The following POLR3A variants were observed in gnomAD, a reference collection of about 807,000 sequenced individuals.
POLR3A encodes DNA-directed RNA polymerase III subunit RPC1.
Under a neutral mutation model 152.8 loss-of-function variants are expected in POLR3A, and 112 were observed. That is an observed-to-expected ratio of 0.73 (90% confidence interval 0.63 to 0.86). The LOEUF (loss-of-function observed/expected upper bound fraction) is 0.86. Among genes scored for constraint, POLR3A ranks in the 40% least tolerant of loss-of-function variants. POLR3A has a pLI of 0.00. For synonymous variants in POLR3A, 615 were observed against 652.1 expected, an observed-to-expected ratio of 0.94 and a Z score of 0.87; for missense variants, 1,385 against 1,743.1, an observed-to-expected ratio of 0.79 and a Z score of 3.66.
intron 30 of POLR3A, 64 bp downstream of exon 30, chr10:77,980,077 T>C (rs1262885436): frequency 2.0e-6 from 3 of 1,486,784 alleles, no homozygotes; most frequent in Non-Finnish European, 2.8e-6. Context: ...CTTGGAAGCC[T>C]AGCCATGGTC....
intron 29 of POLR3A, among the ~76,000 whole-genome samples, chr10:77,980,587 A>G (rs1373409701): frequency 1.3e-5 from 2 of 152,224 alleles, no homozygotes; most frequent in Non-Finnish European, 2.9e-5. Flanking sequence ...ACTAAAAATA[A>G]AAGAATGTAA....
chr10:77,993,346 C>A lies in POLR3A; in HGVS notation c.2638G>T (p.Glu880Ter), dbSNP rs1176075755. 6.2e-7 allele frequency: 1 copy of A among 1,613,788 alleles called. No individual in the cohort carries two copies. The highest frequency in any genetic ancestry group is 8.5e-7 in the Non-Finnish European group (1 of 1,179,766). The change falls in exon 20 of 31, where the codon GAA (glutamate) becomes TAA (stop). Residue 880 changes from glutamate (E) to a stop codon, truncating the protein, a stop_gained. Coordinates refer to ENST00000372371, the MANE Select transcript of POLR3A (RefSeq NM_007055.4). LOFTEE classifies it high-confidence loss of function. Reference protein sequence around the residue: ...YMQRRLVKSLEDLCSQYDLTV... With the variant: ...YMQRRLVKSL ...AGATCATACTGGGAGCAAAGATCTTCAAGAGATTTGACAAGCCTTCGCTAA... is the reference window on the plus strand; with the variant it reads ...AGATCATACTGGGAGCAAAGATCTTAAAGAGATTTGACAAGCCTTCGCTAA...
Position 77,980,228 on chromosome 10 carries a change from CCTT to C in POLR3A, c.3934_3936del (p.Lys1312del). On this transcript the variant is annotated inframe_deletion, in exon 30 of 31. Coordinates refer to ENST00000372371, the MANE Select transcript of POLR3A (RefSeq NM_007055.4). ...AAGGAGGCCAGCATCAGCACACTCTCCTTCATCTTGGCCAGGCCAAACCTAGTG... is the reference window on the plus strand; with the variant it reads ...AAGGAGGCCAGCATCAGCACACTCTCCATCTTGGCCAGGCCAAACCTAGTG... 6.2e-7 allele frequency: 1 copy of C among 1,614,014 alleles called. No homozygotes were observed. The highest frequency in any genetic ancestry group is 8.5e-7 in the Non-Finnish European group (1 of 1,179,876).
At position 77,976,032 on chromosome 10, in the gene POLR3A, C is replaced by A. The variant is rs550447264; in HGVS notation, c.*1446G>T. 1 of 151,988 alleles carries A rather than the reference C, an allele frequency of 6.6e-6. No individual in the cohort carries two copies. Among genetic ancestry groups the A allele is most frequent in the African/African-American group, 2.4e-5 (1 of 41,364 alleles). The allele number at this position is 151,988 out of a possible 1,614,324, so 9.4% of individuals were successfully genotyped here. A position where few individuals can be genotyped will look rare whatever the true frequency, so the allele number is the denominator to read the frequency against. On this transcript the variant is annotated 3_prime_UTR_variant, in exon 31 of 31. Coordinates refer to ENST00000372371, the MANE Select transcript of POLR3A (RefSeq NM_007055.4). ...GCATTTTTTTTCCACATCACTGATA[C>A]CCCAAGAGAAGTTAATAGGTCTACC...
chr10:77,993,731 A>G (rs1246211833), intron 19 of POLR3A, among the ~76,000 whole-genome samples: 1 of 152,178 alleles, frequency 6.6e-6, no homozygotes, highest in Non-Finnish European at 1.5e-5. Flanking sequence ...GCATTTCTAA[A>G]CAGAACTTAA....
Position 77,992,262 on chromosome 10 carries a change from C to CT in POLR3A, c.2787+934dup, listed in dbSNP as rs67659884. On this transcript the variant is annotated intron_variant, in intron 20 of 30. Transcript: ENST00000372371. The stretch of plus-strand genomic sequence containing the variant: ...ACACTAGACTTTCAACTGAAAACAA[C>CT]TTTTTTTTTCATCTTTTTTTTTTTT... Among the ~76,000 whole-genome samples, 542 of 150,014 alleles carry CT rather than the reference C, an allele frequency of 3.6e-3. 4 individuals are homozygous for CT. Among genetic ancestry groups the CT allele is most frequent in the African/African-American group, 0.013 (526 of 40,816 alleles).
At chr10:77,981,895 C>T (rs1425052078) in intron 28 of POLR3A, among the ~76,000 whole-genome samples, 38 of 142,140 alleles carry the variant, frequency 2.7e-4, no homozygotes, top group Non-Finnish European at 5.1e-4. Flanking sequence ...AAAAATTAGC[C>T]GGGCGTGGTG....
intron 28 of POLR3A, among the ~76,000 whole-genome samples, 187 bp from the exon 29 acceptor site, chr10:77,981,746 C>T (rs185674426): frequency 1.3e-4 from 20 of 151,800 alleles, no homozygotes; most frequent in East Asian, 5.8e-4. Context: ...GCTGGGAGGC[C>T]GGGCACAGTG....
At chr10:78,000,942 T>A (rs776273096) in intron 18 of POLR3A, 34 bp downstream of exon 18, 1 of 1,061,390 alleles carries the variant, frequency 9.4e-7, no homozygotes, top group East Asian at 2.4e-5. Context: ...GATTAAGAGA[T>A]CTTCACAGTT....
intron 10 of POLR3A, among the ~76,000 whole-genome samples, chr10:78,014,127 A>C (rs1228230892): frequency 2.0e-5 from 3 of 151,642 alleles, no homozygotes; most frequent in Non-Finnish European, 2.9e-5. Flanking sequence ...ATTGCACCCC[A>C]GCCTGGGTGA....
chr10:78,019,795 GCTAA>G (rs200242373), intron 8 of POLR3A: 1,772 of 163,036 alleles, frequency 0.011, 30 homozygotes, highest in African/African-American at 0.04. Flanking sequence ...TATGATCTGG[GCTAA>G]CTGTGAGTCT....
At chr10:77,984,342 G>A (rs776004125) in intron 24 of POLR3A, 44 bp from the exon 25 acceptor site, 33 of 1,097,622 alleles carry the variant, frequency 3.0e-5, no homozygotes, top group African/African-American at 9.2e-5. Context: ...CAAGGGAGGA[G>A]GCTGTTTGAG....
chr10:78,024,842 T>C (rs1214466573), intron 4 of POLR3A, 129 bp downstream of exon 4: 1 of 1,346,810 alleles, frequency 7.4e-7, no homozygotes, highest in Non-Finnish European at 1.1e-6. Context: ...AGGACATCAG[T>C]TGTTGGGCTC....
intron 11 of POLR3A, among the ~76,000 whole-genome samples, chr10:78,012,172 C>G (rs572751813): frequency 6.6e-6 from 1 of 152,220 alleles, no homozygotes; most frequent in African/African-American, 2.4e-5. Flanking sequence ...CAAGACCAGC[C>G]TGACGAATGT....
At chr10:78,021,502 A>C in intron 8 of POLR3A, 44 bp downstream of exon 8, 2 of 1,607,414 alleles carry the variant, frequency 1.2e-6, no homozygotes, top group Non-Finnish European at 1.7e-6. Flanking sequence ...AACGTAAAAG[A>C]CTGAATTTAA....
Position 77,982,663 on chromosome 10 carries a change from T to C in POLR3A, c.3584A>G (p.Asp1195Gly), listed in dbSNP as rs1564613372. The change falls in exon 27 of 31, where the codon GAT becomes GGT. Residue 1195 changes from aspartate to glycine, a missense_variant. Around this residue, in one of 7 missense-constraint regions of POLR3A, gnomAD observed 332 missense variants for 400.1 expected, o/e 0.83. Transcript: ENST00000372371. ...CGACTTCTGTTTCACCTTGGGGAGA[T>C]CCTCTTTCAGGAACTGCAGCACGTA... ...MYYVLQFLKE[D>G]LPKVVVQGIP... 1 of 1,613,096 alleles carries C rather than the reference T, an allele frequency of 6.2e-7. No individual in the cohort carries two copies. The highest frequency in any genetic ancestry group is 8.5e-7 in the Non-Finnish European group (1 of 1,179,980).
Position 77,981,533 on chromosome 10 carries a change from G to A in POLR3A, c.3786C>T (p.Ala1262=), listed in dbSNP as rs184961157. 1.1e-5 allele frequency: 17 copies of A among 1,613,950 alleles called. No individual in the cohort carries two copies. In the East Asian group the frequency reaches 1.6e-4, roughly 15 times the overall value. The change falls in exon 29 of 31, where the codon GCC becomes GCT. Residue 1262 remains alanine (A), a synonymous_variant. Transcript: ENST00000372371. ...TTTCATTGATGATCGTTGTCCGGGC[G>A]GCCTCGATGCCCAGAGTTTTCTCCA... The part of the protein sequence containing the change: ...YEVEKTLGIE[A]ARTTIINEIQ...
In POLR3A at chr10:77,982,782, T is replaced by C. The variant is rs1403571837; in HGVS notation, c.3465A>G (p.Thr1155=). The C allele has an allele frequency of 1.2e-6, 2 of 1,613,980 alleles. No homozygotes were observed. Among genetic ancestry groups the C allele is most frequent in the East Asian group, 4.5e-5 (2 of 44,882 alleles). ...CACCGGGCTTCACACGGAGCTTGGA[T>C]GTGCAGATGGAATATCTCACTGTCT... ...NAETVRYSIC[T]SKLRVKPGDV... The change falls in exon 27 of 31, where the codon ACA becomes ACG. Residue 1155 remains threonine, a synonymous_variant. Transcript: ENST00000372371.
At chr10:77,986,480 C>T (rs761352140) in intron 21 of POLR3A, among the ~76,000 whole-genome samples, 24 of 152,168 alleles carry the variant, frequency 1.6e-4, no homozygotes, top group Non-Finnish European at 2.4e-4. Context: ...CCACGTGCCA[C>T]GAGGGCTATA....
Sources: gnomAD v4.1 joint callset for allele counts (sites outside exome capture counted in the v4.1 genomes callset) on GRCh38, gnomAD v4.1.1 for gene constraint, gnomAD v4.1.1 regional missense constraint, MANE v1.5 for transcripts, NCBI Gene and HGNC (gene_info 2026-07-23, HGNC 2026-07-21) for gene names.